SMARCA4: variants seen among roughly 807,000 people sequenced by gnomAD.
SMARCA4 encodes SWI/SNF related BAF chromatin remodeling complex subunit ATPase 4.
In SMARCA4, 31 loss-of-function variants were observed where a neutral mutation model predicts 193.9. That is an observed-to-expected ratio of 0.16 (90% CI 0.12 to 0.22). SMARCA4 has a LOEUF of 0.22. Among genes scored for constraint, SMARCA4 ranks in the 10% least tolerant of loss-of-function variants. The pLI, the probability that SMARCA4 is intolerant of heterozygous loss-of-function variation, is 1.00. For synonymous variants in SMARCA4, 942 were observed against 933.1 expected (o/e 1.01, Z -0.17); for missense variants, 1,148 against 2,296.0 (o/e 0.50, Z 10.22).
intron 8 of SMARCA4, among the ~76,000 whole-genome samples, chr19:10,994,502 T>G (rs2086847307): frequency 6.6e-6 from 1 of 151,732 alleles, no homozygotes; most frequent in South Asian, 2.1e-4. Flanking sequence ...TTTTTTGAAT[T>G]TTTTTTGTTA....
chr19:10,967,902 A>G (rs1036024582), intron 1 of SMARCA4, among the ~76,000 whole-genome samples: 6 of 145,850 alleles, frequency 4.1e-5, no homozygotes, highest in African/African-American at 1.5e-4. Flanking sequence ...TTTGAGACGG[A>G]GTCTTGCTTA....
chr19:11,048,389 C>A (rs577669034), intron 30 of SMARCA4, among the ~76,000 whole-genome samples: 3 of 152,288 alleles, frequency 2.0e-5, no homozygotes, highest in African/African-American at 7.2e-5. Context: ...ACACCACCAT[C>A]ATGCCTGGCC....
chr19:11,038,749 C>T (rs899649582), intron 29 of SMARCA4, among the ~76,000 whole-genome samples: 1 of 152,044 alleles, frequency 6.6e-6, no homozygotes, highest in South Asian at 2.1e-4. Flanking sequence ...TCCCTGGACA[C>T]CTGGCTCCCC....
At position 11,035,430 on chromosome 19, in the gene SMARCA4, T is replaced by C. The variant is rs373934894; in HGVS notation, c.4170+298T>C. ...TACCTCTTCCCGAGGTTAAAAATCATGTTGCTGATCTCAGTGGACTGCTGG... is the reference window on the plus strand; with the variant it reads ...TACCTCTTCCCGAGGTTAAAAATCACGTTGCTGATCTCAGTGGACTGCTGG... On this transcript the variant is annotated intron_variant, in intron 29 of 34. Transcript: ENST00000344626. 2.2e-3 allele frequency among the ~76,000 whole-genome samples: 342 copies of C among 152,352 alleles called. 10 individuals are homozygous for C. The South Asian group carries it at 0.052, about 23-fold the overall frequency.
At chr19:10,999,500 T>A (rs1369744896) in intron 11 of SMARCA4, among the ~76,000 whole-genome samples, 1 of 152,018 alleles carries the variant, frequency 6.6e-6, no homozygotes, top group Non-Finnish European at 1.5e-5. Flanking sequence ...TTATAAAAAA[T>A]TTTAAAAATT....
intron 9 of SMARCA4, 165 bp downstream of exon 9, chr19:10,995,166 G>A (rs1437073300): frequency 9.8e-6 from 7 of 712,788 alleles, no homozygotes; most frequent in East Asian, 2.7e-5. Context: ...TCCTGGGCTC[G>A]GATATTTGCT....
chr19:11,045,999 G>A (rs1228826908), intron 30 of SMARCA4, among the ~76,000 whole-genome samples: 2 of 152,140 alleles, frequency 1.3e-5, no homozygotes, highest in East Asian at 1.9e-4. Context: ...TGAGGCGAGC[G>A]GATCACAAGG....
intron 30 of SMARCA4, among the ~76,000 whole-genome samples, chr19:11,046,351 T>C (rs1304809252): frequency 1.3e-5 from 2 of 152,218 alleles, no homozygotes; most frequent in Non-Finnish European, 2.9e-5. Context: ...ACACCAACAT[T>C]TCAGTCACAC....
At chr19:10,996,606 G>A (rs112670505) in intron 11 of SMARCA4, 62 bp downstream of exon 11, 1 of 1,461,144 alleles carries the variant, frequency 6.8e-7, no homozygotes, top group Non-Finnish European at 9.6e-7. Context: ...GTCTGTTTCA[G>A]ACTTTAAAAC....
In SMARCA4 at chr19:10,985,473, C is replaced by T. The variant is rs2145756115; in HGVS notation, c.355+68C>T. 1.3e-6 allele frequency: 2 copies of T among 1,574,804 alleles called. No individual in the cohort carries two copies. Among genetic ancestry groups the T allele is most frequent in the South Asian group, 1.1e-5 (1 of 87,700 alleles). On this transcript the variant is annotated intron_variant, in intron 3 of 34. Coordinates refer to ENST00000344626, the MANE Select transcript of SMARCA4 (RefSeq NM_003072.5). The surrounding 1 kb of genome is among the most constrained non-coding windows in gnomAD (Gnocchi z 4.5). The stretch of plus-strand genomic sequence containing the variant: ...CAGAGTCCTCAGATCATTTTCCTCC[C>T]CTGGGTTCCCACAGGATGGATTCAG...
intron 30 of SMARCA4, among the ~76,000 whole-genome samples, chr19:11,048,987 G>A (rs1316038574): frequency 1.3e-5 from 2 of 152,200 alleles, no homozygotes; most frequent in African/African-American, 2.4e-5. Context: ...AGAGTGCAGT[G>A]ACATGCCCCT....
In SMARCA4 at chr19:11,030,677, C is replaced by T. The variant is rs140466025; in HGVS notation, c.3383-53C>T. 3.3e-3 allele frequency: 5,163 copies of T among 1,549,562 alleles called. 65 individuals are homozygous for T. Among genetic ancestry groups the T allele is most frequent in the South Asian group, 0.026 (2,256 of 86,504 alleles). On this transcript the variant is annotated intron_variant, in intron 24 of 34. Transcript: ENST00000344626. The surrounding 1 kb of genome is among the most constrained non-coding windows in gnomAD (Gnocchi z 5.5). Reference sequence around the variant, plus strand: ...AGAAGCAGGTGTTCCTTGGTGTCCCCACTCTACCCCTGAGGTCACCCCGCT... The same window carrying T: ...AGAAGCAGGTGTTCCTTGGTGTCCCTACTCTACCCCTGAGGTCACCCCGCT...
At position 11,061,913 on chromosome 19, in the gene SMARCA4, C is replaced by T; in HGVS notation, c.*97C>T. The T allele has an allele frequency of 1.7e-6, 2 of 1,147,212 alleles. No homozygotes were observed. The highest frequency in any genetic ancestry group is 2.6e-6 in the Non-Finnish European group (2 of 755,538). The allele number at this position is 1,147,212 out of a possible 1,614,324, so 71.1% of individuals were successfully genotyped here. Reference sequence around the variant, plus strand: ...GGGTAGCAGCAGATGTAGTTTCAGACTTGGAGTAAAACTGTATAAACAAAA... The same window carrying T: ...GGGTAGCAGCAGATGTAGTTTCAGATTTGGAGTAAAACTGTATAAACAAAA... On this transcript the variant is annotated 3_prime_UTR_variant, in exon 35 of 35. Transcript: ENST00000344626.
At chr19:11,026,741 C>T (rs2090290029) in intron 23 of SMARCA4, among the ~76,000 whole-genome samples, 1 of 152,126 alleles carries the variant, frequency 6.6e-6, no homozygotes, top group African/African-American at 2.4e-5. Flanking sequence ...TCAAGTGATC[C>T]ACCCGCCTTG....
chr19:10,995,030 C>T (rs369649184), intron 9 of SMARCA4, 29 bp downstream of exon 9: 5 of 1,582,970 alleles, frequency 3.2e-6, no homozygotes, highest in Middle Eastern at 1.7e-4. Flanking sequence ...GACGTGCGCT[C>T]TTCTACATGT....
intron 34 of SMARCA4, 189 bp downstream of exon 34, chr19:11,060,376 A>C: frequency 1.4e-6 from 1 of 714,112 alleles, no homozygotes; most frequent in Non-Finnish European, 2.4e-6. Context: ...CTCAAAGCCA[A>C]GCCTGTGTGA....
intron 34 of SMARCA4, among the ~76,000 whole-genome samples, chr19:11,060,792 C>T (rs1316386282): frequency 1.3e-5 from 2 of 152,170 alleles, no homozygotes; most frequent in Non-Finnish European, 2.9e-5. Flanking sequence ...CTGCCCCCAC[C>T]GAAGGGCCTG....
intron 30 of SMARCA4, among the ~76,000 whole-genome samples, chr19:11,051,127 C>T (rs914437073): frequency 1.9e-4 from 29 of 152,366 alleles, no homozygotes; most frequent in Non-Finnish European, 2.9e-4. Flanking sequence ...TGGGGTTCTG[C>T]GCCTGCCCCA....
rs2146607512 is a variant in SMARCA4 at position 11,030,975 on chromosome 19, T to A, written c.3546+82T>A. 1 of 1,220,022 alleles carries A rather than the reference T, an allele frequency of 8.2e-7. No homozygotes were observed. The highest frequency in any genetic ancestry group is 1.3e-5 in the South Asian group (1 of 77,588). The allele number at this position is 1,220,022 out of a possible 1,614,324, so 75.6% of individuals were successfully genotyped here. On this transcript the variant is annotated intron_variant, in intron 25 of 34. Transcript: ENST00000344626. The surrounding 1 kb of genome is among the most constrained non-coding windows in gnomAD (Gnocchi z 5.5). Reference sequence around the variant, plus strand: ...CGAGGAGACGGCCCTGGCTTGAGGGTCCTCCAGCCTCCTCCACATTGTCTT... The same window carrying A: ...CGAGGAGACGGCCCTGGCTTGAGGGACCTCCAGCCTCCTCCACATTGTCTT...
Sources: gnomAD v4.1 joint callset for allele counts (sites outside exome capture counted in the v4.1 genomes callset) on GRCh38, gnomAD v4.1.1 for gene constraint, Gnocchi (gnomAD v3.1) non-coding constraint, MANE v1.5 for transcripts, NCBI Gene and HGNC (gene_info 2026-07-23, HGNC 2026-07-21) for gene names.